The following KCNQ3 variants were observed in gnomAD, a reference collection of about 807,000 sequenced individuals.
KCNQ3 encodes potassium voltage-gated channel subfamily KQT member 3.
A neutral mutation model predicts 92.5 loss-of-function variants in KCNQ3; 30 were observed. The ratio of observed to expected loss-of-function variants is 0.32; its 90% confidence interval spans 0.24 to 0.44. The LOEUF is 0.44. Ranked by LOEUF, KCNQ3 falls within the 20% of genes least tolerant of loss-of-function variation. The pLI is 1.00. For synonymous variants in KCNQ3, 450 were observed against 468.8 expected (o/e 0.96, Z 0.52); for missense variants, 913 against 1,140.3 (o/e 0.80, Z 2.87).
chr8:132,149,196 A>AG (rs1478951736), intron 9 of KCNQ3, among the ~76,000 whole-genome samples: 1 of 152,208 alleles, frequency 6.6e-6, no homozygotes, highest in Non-Finnish European at 1.5e-5. Flanking sequence ...GAGGCAGATG[A>AG]GGGGGAAGGT....
intron 1 of KCNQ3, among the ~76,000 whole-genome samples, chr8:132,443,858 C>G (rs1010507475): frequency 6.6e-6 from 1 of 152,110 alleles, no homozygotes; most frequent in Non-Finnish European, 1.5e-5. Context: ...ACTCTTTACC[C>G]CCCCATTTGT....
At chr8:132,194,641 T>A (rs961295932) in intron 1 of KCNQ3, among the ~76,000 whole-genome samples, 9 of 152,152 alleles carry the variant, frequency 5.9e-5, no homozygotes, top group African/African-American at 2.2e-4. Flanking sequence ...AGACCAACCA[T>A]TTGCCATTCC....
chr8:132,330,772 G>A (rs1479997182), intron 1 of KCNQ3, among the ~76,000 whole-genome samples: 1 of 152,218 alleles, frequency 6.6e-6, no homozygotes, highest in Non-Finnish European at 1.5e-5. Flanking sequence ...CACACTTGCA[G>A]CTGGAGGAAG....
chr8:132,327,097 T>C (rs1039611254), intron 1 of KCNQ3, among the ~76,000 whole-genome samples: 2 of 152,136 alleles, frequency 1.3e-5, no homozygotes, highest in East Asian at 3.9e-4. Context: ...AAAAAGTCAA[T>C]AAATAGTTGG....
intron 3 of KCNQ3, among the ~76,000 whole-genome samples, chr8:132,181,191 G>T (rs1375201433): frequency 6.6e-6 from 1 of 152,152 alleles, no homozygotes; most frequent in African/African-American, 2.4e-5. Context: ...GGTTAAGCAG[G>T]CTCTTGACAT....
At chr8:132,407,063 C>T (rs903751688) in intron 1 of KCNQ3, among the ~76,000 whole-genome samples, 4 of 152,220 alleles carry the variant, frequency 2.6e-5, no homozygotes, top group Non-Finnish European at 4.4e-5. Context: ...CTGAAAATGC[C>T]TCTGCGCCCA....
intron 6 of KCNQ3, among the ~76,000 whole-genome samples, chr8:132,173,624 G>T (rs1211794530): frequency 6.6e-6 from 1 of 152,182 alleles, no homozygotes; most frequent in Non-Finnish European, 1.5e-5. Context: ...TTGCCATGAA[G>T]ATTAAATGAG....
intron 3 of KCNQ3, among the ~76,000 whole-genome samples, chr8:132,182,165 T>C (rs1826803971): frequency 6.6e-6 from 1 of 152,182 alleles, no homozygotes; most frequent in Non-Finnish European, 1.5e-5. Flanking sequence ...GTCAAACCTC[T>C]GGATACTGAT....
chr8:132,350,630 G>C (rs1247711580), intron 1 of KCNQ3, among the ~76,000 whole-genome samples: 2 of 152,212 alleles, frequency 1.3e-5, no homozygotes, highest in Admixed American at 1.3e-4. Context: ...ACAGAGCAAA[G>C]AAGGGACTGC....
chr8:132,449,711 A>G (rs1821777467), intron 1 of KCNQ3, among the ~76,000 whole-genome samples: 3 of 152,198 alleles, frequency 2.0e-5, no homozygotes, highest in African/African-American at 7.2e-5. Context: ...ATAGGAAGGA[A>G]TTAAGTCCCC....
chr8:132,128,751 G>A lies in KCNQ3; in HGVS notation c.*511C>T, dbSNP rs529460531. The A allele has an allele frequency of 1.2e-5, 2 of 162,916 alleles. No homozygotes were observed. Among genetic ancestry groups the A allele is most frequent in the South Asian group, 3.3e-4 (2 of 6,010 alleles). The allele number at this position is 162,916 out of a possible 1,614,324, so 10.1% of individuals were successfully genotyped here. On this transcript the variant is annotated 3_prime_UTR_variant, in exon 15 of 15. Coordinates refer to ENST00000388996, the MANE Select transcript of KCNQ3 (RefSeq NM_004519.4). ...ATGACTATCTCATTCCTTTCCTAATGTTAGCTCAGTAGGCAGCCCCACTGA... is the reference window on the plus strand; with the variant it reads ...ATGACTATCTCATTCCTTTCCTAATATTAGCTCAGTAGGCAGCCCCACTGA...
At chr8:132,225,053 T>C (rs1181811132) in intron 1 of KCNQ3, among the ~76,000 whole-genome samples, 3 of 152,174 alleles carry the variant, frequency 2.0e-5, no homozygotes, top group African/African-American at 7.2e-5. Flanking sequence ...TGAGACAGAA[T>C]AGACCCACCA....
intron 1 of KCNQ3, among the ~76,000 whole-genome samples, chr8:132,307,820 T>C (rs1319962089): frequency 2.0e-5 from 3 of 152,222 alleles, no homozygotes; most frequent in South Asian, 4.1e-4. Context: ...AGATGGATGA[T>C]AAATGTTCAT....
rs143909313 is a variant in KCNQ3, at chr8:132,413,386, C to A, written c.386+66761G>T. Among the ~76,000 whole-genome samples the A allele has an allele frequency of 4.9e-3, 743 of 152,322 alleles. 5 individuals carry two copies. Among genetic ancestry groups the A allele is most frequent in the African/African-American group, 0.017 (694 of 41,544 alleles). On this transcript the variant is annotated intron_variant, in intron 1 of 14. Coordinates refer to ENST00000388996, the MANE Select transcript of KCNQ3 (RefSeq NM_004519.4). ...CCTTCAGACTTCAGTTTAAGCATCACCTCCTCCAGGAAGCCTTCCCTGACT... is the reference window on the plus strand; with the variant it reads ...CCTTCAGACTTCAGTTTAAGCATCAACTCCTCCAGGAAGCCTTCCCTGACT...
At chr8:132,155,139 C>G (rs745625248) in intron 9 of KCNQ3, among the ~76,000 whole-genome samples, 59 of 152,154 alleles carry the variant, frequency 3.9e-4, no homozygotes, top group Non-Finnish European at 7.4e-4. Flanking sequence ...GCCAGCACCC[C>G]CGACACTACA....
At chr8:132,339,653 G>A (rs895741972) in intron 1 of KCNQ3, among the ~76,000 whole-genome samples, 1 of 149,540 alleles carries the variant, frequency 6.7e-6, no homozygotes, top group Non-Finnish European at 1.5e-5. Flanking sequence ...AGGTTGGAAT[G>A]AGCCGAGATC....
intron 1 of KCNQ3, among the ~76,000 whole-genome samples, chr8:132,212,123 G>A (rs1813880938): frequency 6.6e-6 from 1 of 152,044 alleles, no homozygotes; most frequent in South Asian, 2.1e-4. Context: ...ACACAGAGCA[G>A]GTGCCCACTG....
chr8:132,454,038 C>T (rs887795709), intron 1 of KCNQ3, among the ~76,000 whole-genome samples: 15 of 151,682 alleles, frequency 9.9e-5, no homozygotes, highest in Admixed American at 9.2e-4. Flanking sequence ...TAACACCATG[C>T]CTGGCACCGT....
In KCNQ3 at chr8:132,237,756, A is replaced by C. The variant is rs184235718; in HGVS notation, c.387-51575T>G. On this transcript the variant is annotated intron_variant, in intron 1 of 14. Transcript: ENST00000388996. The stretch of plus-strand genomic sequence containing the variant: ...CGCTTTAATAGTATTTCTTGATTGC[A>C]AATTACAGAAACTCAAAGTAAAATC... Among the ~76,000 whole-genome samples, 10 of 152,368 alleles carry C rather than the reference A, an allele frequency of 6.6e-5. No homozygotes were observed. In the East Asian group the frequency reaches 1.9e-3, roughly 29 times the overall value.
Sources: allele counts gnomAD v4.1 joint callset (sites outside exome capture counted in the v4.1 genomes callset), GRCh38; gene constraint gnomAD v4.1.1; transcripts MANE v1.5; gene names NCBI Gene and HGNC (gene_info 2026-07-23, HGNC 2026-07-21).